The following BARD1 variants were observed in gnomAD, a reference collection of about 807,000 sequenced individuals.
BARD1 encodes BRCA1-associated RING domain protein 1.
A neutral mutation model predicts 77.0 loss-of-function variants in BARD1; 73 were observed. The observed-to-expected ratio is 0.95, with a 90% CI of 0.79 to 1.15. BARD1 has a LOEUF of 1.15. Ranked by LOEUF, BARD1 falls within the 50% of genes most tolerant of loss-of-function variation. The pLI, the probability that BARD1 is intolerant of heterozygous loss-of-function variation, is 0.00. For missense variants in BARD1, 993 were observed against 938.8 expected (o/e 1.06, Z -0.75); for synonymous variants, 384 against 338.0 (o/e 1.14, Z -1.49).
chr2:214,785,414 T>C (rs1695226230), intron 3 of BARD1, among the ~76,000 whole-genome samples: 1 of 151,998 alleles, frequency 6.6e-6, no homozygotes, highest in South Asian at 2.1e-4. Flanking sequence ...CATGACAACA[T>C]AGGTAAAATC....
chr2:214,725,961 A>C lies in BARD1; in HGVS notation c.*2715T>G, dbSNP rs1692067472. The C allele has an allele frequency of 4.4e-6, 1 of 225,474 alleles. No homozygotes were observed. The highest frequency in any genetic ancestry group is 2.2e-5 in the African/African-American group (1 of 44,858). 14.0% of individuals were successfully genotyped at this position (225,474 alleles called of 1,614,324 possible). ...CTCACCTGTGAATCGTCTTATTCCC[A>C]CAGGAAACATCAAACCTCCCCAAAT... On this transcript the variant is annotated 3_prime_UTR_variant, in exon 11 of 11. Transcript: ENST00000260947.
rs1695801471 is a variant in BARD1, at chr2:214,797,240, A to G, written c.159-123T>C. 6 of 818,620 alleles carry G rather than the reference A, an allele frequency of 7.3e-6. No homozygotes were observed. The Admixed American group carries it at 8.7e-5, about 12-fold the overall frequency. The allele number at this position is 818,620 out of a possible 1,614,324, so 50.7% of individuals were successfully genotyped here. On this transcript the variant is annotated intron_variant, in intron 1 of 10. Coordinates refer to ENST00000260947, the MANE Select transcript of BARD1 (RefSeq NM_000465.4). ...CACTTTCTCAAAGCAGAAGGTATTA[A>G]GGATGCATTCATTTGAAAGGCTGTT...
chr2:214,762,467 T>C (rs1694008640), intron 6 of BARD1, among the ~76,000 whole-genome samples: 1 of 152,180 alleles, frequency 6.6e-6, no homozygotes, highest in Non-Finnish European at 1.5e-5. Context: ...TTTACTAAGA[T>C]ATATATAACA....
At chr2:214,782,428 T>C (rs1454763695) in intron 3 of BARD1, among the ~76,000 whole-genome samples, 8 of 152,038 alleles carry the variant, frequency 5.3e-5, no homozygotes, top group African/African-American at 1.9e-4. Flanking sequence ...GAGTTCAGTT[T>C]GTGCAAATTC....
chr2:214,797,858 G>A (rs961421449), intron 1 of BARD1, among the ~76,000 whole-genome samples: 3 of 152,100 alleles, frequency 2.0e-5, no homozygotes, highest in African/African-American at 7.2e-5. Context: ...CAGTGAGTGA[G>A]CAAAGAGACA....
chr2:214,728,960 T>A lies in BARD1; in HGVS notation c.2050A>T (p.Lys684Ter), dbSNP rs1559372578. ...ATAAGGTTGTCCTTTGGATGGTGTTTGAAGGTTCCCCACAAATAGAAGTAG... is the reference window on the plus strand; with the variant it reads ...ATAAGGTTGTCCTTTGGATGGTGTTAGAAGGTTCCCCACAAATAGAAGTAG... ...GCYFYLWGTF[K>*]HHPKDNLIKL... The change falls in exon 11 of 11, where the codon AAA becomes TAA. Residue 684 changes from lysine to a stop codon, truncating the protein, a stop_gained. Transcript: ENST00000260947. LOFTEE classifies it high-confidence loss of function. The A allele has an allele frequency of 1.2e-6, 2 of 1,614,174 alleles. No individual in the cohort carries two copies. Among genetic ancestry groups the A allele is most frequent in the Non-Finnish European group, 1.7e-6 (2 of 1,180,022 alleles).
chr2:214,726,664 A>G lies in BARD1; in HGVS notation c.*2012T>C. On this transcript the variant is annotated 3_prime_UTR_variant, in exon 11 of 11. Transcript: ENST00000260947. ...ACAAATAACTTTAATGATTTGTGGT[A>G]AAAAAGAAGGAAGCTTGAATCTATG... 4.4e-6 allele frequency: 1 copy of G among 229,790 alleles called. No homozygotes were observed. The highest frequency in any genetic ancestry group is 6.2e-5 in the East Asian group (1 of 16,014). 14.2% of individuals were successfully genotyped at this position (229,790 alleles called of 1,614,324 possible).
At chr2:214,752,948 G>C (rs1196653461) in intron 6 of BARD1, among the ~76,000 whole-genome samples, 1 of 152,088 alleles carries the variant, frequency 6.6e-6, no homozygotes, top group East Asian at 1.9e-4. Flanking sequence ...AAATTCACAG[G>C]ACAGGGATTT....
At chr2:214,762,465 G>A (rs754959766) in intron 6 of BARD1, among the ~76,000 whole-genome samples, 2 of 152,022 alleles carry the variant, frequency 1.3e-5, no homozygotes, top group South Asian at 4.1e-4. Flanking sequence ...ACTTTACTAA[G>A]ATATATATAA....
intron 6 of BARD1, among the ~76,000 whole-genome samples, chr2:214,755,331 G>A (rs1378373486): frequency 1.3e-5 from 2 of 152,056 alleles, no homozygotes; most frequent in South Asian, 2.1e-4. Flanking sequence ...TATTAGAATG[G>A]GTTACTGGGG....
chr2:214,794,569 T>C (rs1243094537), intron 2 of BARD1, among the ~76,000 whole-genome samples: 2 of 110,144 alleles, frequency 1.8e-5, no homozygotes, highest in African/African-American at 6.6e-5. Context: ...TTAATGGGTT[T>C]ATTATTTTTA....
chr2:214,807,370 G>T (rs1376157863), intron 1 of BARD1, among the ~76,000 whole-genome samples: 2 of 151,986 alleles, frequency 1.3e-5, no homozygotes, highest in Non-Finnish European at 2.9e-5. Context: ...ATTTGGTAGG[G>T]GATAAAAAGT....
chr2:214,809,497 C>G lies in BARD1; in HGVS notation c.73G>C (p.Ala25Pro), dbSNP rs751646468. ...GCACCGCGACCATCCGGTTCCATGG[C>G]GGGCGCGGAACGAGGCTCGTTCCCG... ...RSGNEPRSAP[A>P]MEPDGRGAWA... The change falls in exon 1 of 11, where the codon GCC (alanine) becomes CCC (proline). Residue 25 changes from alanine (A) to proline (P), a missense_variant. By Grantham distance (27) the Ala-to-Pro change is conservative (BLOSUM62 -1). Transcript: ENST00000260947. 1.6e-5 allele frequency: 26 copies of G among 1,606,648 alleles called. No individual in the cohort carries two copies. The East Asian group carries it at 3.8e-4, about 24-fold the overall frequency.
intron 5 of BARD1, 43 bp from the exon 6 acceptor site, chr2:214,767,697 A>G (rs1309774355): frequency 3.9e-6 from 6 of 1,539,764 alleles, no homozygotes; most frequent in East Asian, 2.3e-5. Flanking sequence ...AGTGATAAGA[A>G]AGAGCAATGG....
intron 6 of BARD1, among the ~76,000 whole-genome samples, chr2:214,754,133 T>C (rs550987590): frequency 6.6e-6 from 1 of 152,120 alleles, no homozygotes; most frequent in East Asian, 1.9e-4. Flanking sequence ...CACCCACATA[T>C]GCTATACATA....
intron 6 of BARD1, among the ~76,000 whole-genome samples, chr2:214,760,296 G>A (rs1172412856): frequency 4.6e-5 from 7 of 152,048 alleles, no homozygotes; most frequent in African/African-American, 7.2e-5. Flanking sequence ...AGGTTCAAGC[G>A]ATTCTTGTGC....
intron 6 of BARD1, among the ~76,000 whole-genome samples, chr2:214,766,501 C>T (rs968151796): frequency 7.9e-5 from 12 of 152,132 alleles, no homozygotes; most frequent in African/African-American, 2.9e-4. Flanking sequence ...GTAAATTTTT[C>T]CATTAAATGA....
chr2:214,799,050 G>T (rs575994058), intron 1 of BARD1, among the ~76,000 whole-genome samples: 47 of 152,216 alleles, frequency 3.1e-4, no homozygotes, highest in African/African-American at 1.0e-3. Context: ...CTGGAAGGTG[G>T]AGGTTGCACT....
intron 5 of BARD1, 31 bp downstream of exon 5, chr2:214,769,201 G>C (rs755248555): frequency 3.2e-6 from 5 of 1,558,036 alleles, no homozygotes; most frequent in Admixed American, 3.3e-5. Flanking sequence ...GTAAAACACA[G>C]AAAGAATGAG....
Sources: allele counts gnomAD v4.1 joint callset (sites outside exome capture counted in the v4.1 genomes callset), GRCh38; gene constraint gnomAD v4.1.1; transcripts MANE v1.5; gene names NCBI Gene and HGNC (gene_info 2026-07-23, HGNC 2026-07-21).